TMEM132D: variants seen among roughly 807,000 people sequenced by gnomAD.
The protein encoded by TMEM132D is transmembrane protein 132D.
TMEM132D carries 21 observed loss-of-function variants against 62.3 expected under a neutral mutation model. The ratio of observed to expected loss-of-function variants is 0.34; its 90% CI spans 0.24 to 0.49. The LOEUF is 0.49. TMEM132D is among the 20% of genes least tolerant of loss of function. TMEM132D has a pLI of 0.99. For synonymous variants in TMEM132D, 621 were observed against 575.6 expected (o/e 1.08, Z -1.13); for missense variants, 1,346 against 1,402.8 (o/e 0.96, Z 0.65).
intron 1 of TMEM132D, among the ~76,000 whole-genome samples, chr12:129,836,186 T>C (rs895839776): frequency 6.6e-6 from 1 of 152,210 alleles, no homozygotes; most frequent in Non-Finnish European, 1.5e-5. Context: ...ATGACTGTGA[T>C]GGAGCCTCTC....
At chr12:129,445,188 T>C (rs936858702) in intron 3 of TMEM132D, among the ~76,000 whole-genome samples, 1 of 152,180 alleles carries the variant, frequency 6.6e-6, no homozygotes, top group African/African-American at 2.4e-5. Flanking sequence ...GAGGCCATTA[T>C]CCTTAGCAAA....
intron 1 of TMEM132D, among the ~76,000 whole-genome samples, chr12:129,746,658 G>T (rs956626212): frequency 6.6e-6 from 1 of 152,080 alleles, no homozygotes; most frequent in Non-Finnish European, 1.5e-5. Context: ...CATCATTTAT[G>T]TAAACCTTTA....
chr12:129,605,646 C>A (rs1023476258), intron 2 of TMEM132D, among the ~76,000 whole-genome samples: 19 of 119,464 alleles, frequency 1.6e-4, no homozygotes, highest in African/African-American at 5.4e-4. Context: ...CACACACACA[C>A]AAATATACAT....
intron 1 of TMEM132D, among the ~76,000 whole-genome samples, chr12:129,723,090 T>C (rs1449481713): frequency 6.6e-6 from 1 of 152,078 alleles, no homozygotes. Flanking sequence ...GTGAGATGAA[T>C]TTAAGTGGTC....
chr12:129,073,859 T>A lies in TMEM132D; in HGVS notation c.*16A>T, dbSNP rs1217179335. On this transcript the variant is annotated 3_prime_UTR_variant, in exon 9 of 9. Transcript: ENST00000422113. ...GCTGAAAGGTGAGTGAGAACCAATG[T>A]CTGTGTGTGTCTGGCTTACACATTT... 6.6e-7 allele frequency: 1 copy of A among 1,518,274 alleles called. No individual in the cohort carries two copies. The highest frequency in any genetic ancestry group is 8.8e-7 in the Non-Finnish European group (1 of 1,133,706). The allele number at this position is 1,518,274 out of a possible 1,614,324, so 94.1% of individuals were successfully genotyped here.
chr12:129,867,672 C>T lies in TMEM132D; in HGVS notation c.79+35589G>A, dbSNP rs565824768. Among the ~76,000 whole-genome samples the T allele has an allele frequency of 3.9e-5, 6 of 152,098 alleles. No individual in the cohort carries two copies. Among genetic ancestry groups the T allele is most frequent in the Admixed American group, 3.9e-4 (6 of 15,274 alleles). On this transcript the variant is annotated intron_variant, in intron 1 of 8. Coordinates refer to ENST00000422113, the MANE Select transcript of TMEM132D (RefSeq NM_133448.3). The surrounding 1 kb of genome is among the most constrained non-coding windows in gnomAD (Gnocchi z 4.5). ...AAGGGATAATGTGAACTAGCTTGAC[C>T]GTGGTGACAATTTCACAATGTATAC...
intron 3 of TMEM132D, 70 bp downstream of exon 3, chr12:129,530,989 G>GGA: frequency 1.4e-6 from 1 of 722,514 alleles, no homozygotes; most frequent in Non-Finnish European, 1.9e-6. Context: ...TAGCAATCTA[G>GGA]GAAAAAAAAA....
intron 5 of TMEM132D, among the ~76,000 whole-genome samples, chr12:129,109,209 G>GA (rs1370169375): frequency 6.6e-6 from 1 of 152,198 alleles, no homozygotes; most frequent in Non-Finnish European, 1.5e-5. Context: ...GGCCGTGTGA[G>GA]TTTTTCCTTC....
intron 5 of TMEM132D, among the ~76,000 whole-genome samples, chr12:129,095,895 C>G (rs1875099478): frequency 6.6e-6 from 1 of 152,122 alleles, no homozygotes; most frequent in African/African-American, 2.4e-5. Context: ...CCCTAGGAAA[C>G]TGCAATCAAC....
chr12:129,358,977 C>T (rs1264540961), intron 3 of TMEM132D, among the ~76,000 whole-genome samples: 2 of 151,284 alleles, frequency 1.3e-5, no homozygotes, highest in Non-Finnish European at 2.9e-5. Context: ...TTTAAATGTC[C>T]ATTTTAACTT....
chr12:129,337,913 A>G lies in TMEM132D; in HGVS notation c.1116-96T>C, dbSNP rs988902442. The G allele has an allele frequency of 1.7e-5, 22 of 1,301,294 alleles. No individual in the cohort carries two copies. The East Asian group carries it at 4.7e-4, about 28-fold the overall frequency. 80.6% of individuals were successfully genotyped at this position (1,301,294 alleles called of 1,614,324 possible). ...GCGGCCCTTGGCCATTTCTCTATGT[A>G]CCTCCACATGGAACCAAGCGCACAC... On this transcript the variant is annotated intron_variant, in intron 3 of 8. Transcript: ENST00000422113.
chr12:129,159,182 G>A lies in TMEM132D; in HGVS notation c.1443+50338C>T, dbSNP rs138056761. Among the ~76,000 whole-genome samples, 3 of 152,278 alleles carry A rather than the reference G, an allele frequency of 2.0e-5. No homozygotes were observed. The East Asian group carries it at 5.8e-4, about 29-fold the overall frequency. ...ATGTACTTCTTGGTTTTAACAGCAA[G>A]TATTTGGTTCTGTTACCCTGGGAAG... On this transcript the variant is annotated intron_variant, in intron 5 of 8. Coordinates refer to ENST00000422113, the MANE Select transcript of TMEM132D (RefSeq NM_133448.3).
At chr12:129,457,872 A>C (rs943152967) in intron 3 of TMEM132D, among the ~76,000 whole-genome samples, 2 of 152,168 alleles carry the variant, frequency 1.3e-5, no homozygotes, top group Non-Finnish European at 2.9e-5. Flanking sequence ...TCTCCCCTCC[A>C]ACACTGGGGA....
chr12:129,223,198 G>A (rs1464458301), intron 4 of TMEM132D, among the ~76,000 whole-genome samples: 1 of 151,652 alleles, frequency 6.6e-6, no homozygotes. Flanking sequence ...ACCTCTAGCT[G>A]TATCACCTTT....
At chr12:129,760,073 T>TTTTTAAA (rs1870302952) in intron 1 of TMEM132D, among the ~76,000 whole-genome samples, 1 of 151,976 alleles carries the variant, frequency 6.6e-6, no homozygotes, top group Non-Finnish European at 1.5e-5. Context: ...CCTGGCTAAT[T>TTTTTAAA]TTTTAAATTT....
At chr12:129,203,501 T>C (rs952037892) in intron 5 of TMEM132D, among the ~76,000 whole-genome samples, 7 of 151,560 alleles carry the variant, frequency 4.6e-5, no homozygotes, top group African/African-American at 1.7e-4. Context: ...CCAGGAAGCA[T>C]GTGGAGGGCA....
At chr12:129,667,492 T>C (rs1199245290) in intron 2 of TMEM132D, among the ~76,000 whole-genome samples, 1 of 152,168 alleles carries the variant, frequency 6.6e-6, no homozygotes, top group African/African-American at 2.4e-5. Flanking sequence ...GTAAAGGTTT[T>C]TCTTTTAAGA....
At chr12:129,724,099 C>T (rs775805775) in intron 1 of TMEM132D, among the ~76,000 whole-genome samples, 1 of 152,168 alleles carries the variant, frequency 6.6e-6, no homozygotes, top group Non-Finnish European at 1.5e-5. Context: ...GGAGATGCCA[C>T]GTTTGAGTAG....
At chr12:129,720,197 A>C (rs932955620) in intron 1 of TMEM132D, among the ~76,000 whole-genome samples, 1 of 152,188 alleles carries the variant, frequency 6.6e-6, no homozygotes, top group Non-Finnish European at 1.5e-5. Flanking sequence ...TCTAAACTCA[A>C]ATAAAATACT....
Sources: gnomAD v4.1 joint callset for allele counts (sites outside exome capture counted in the v4.1 genomes callset) on GRCh38, gnomAD v4.1.1 for gene constraint, Gnocchi (gnomAD v3.1) non-coding constraint, MANE v1.5 for transcripts, NCBI Gene and HGNC (gene_info 2026-07-23, HGNC 2026-07-21) for gene names.